The following NDST3 variants were observed in gnomAD, a reference collection of about 807,000 sequenced individuals.
The protein encoded by NDST3 is N-deacetylase and N-sulfotransferase 3.
Under a neutral mutation model 96.1 loss-of-function variants are expected in NDST3, and 58 were observed. The ratio of observed to expected loss-of-function variants is 0.60; its 90% CI spans 0.49 to 0.75. NDST3 has a LOEUF of 0.75. NDST3 is among the 30% of genes least tolerant of loss of function. The probability of loss-of-function intolerance (pLI) is 0.00; values close to 1 mark genes in which losing one functional copy is unlikely to be tolerated. For missense variants in NDST3, 788 were observed against 1,034.2 expected (o/e 0.76, Z 3.27); for synonymous variants, 333 against 359.7 (o/e 0.93, Z 0.84).
At chr4:118,150,316 A>G (rs1435988389) in intron 6 of NDST3, among the ~76,000 whole-genome samples, 2 of 152,202 alleles carry the variant, frequency 1.3e-5, no homozygotes, top group Non-Finnish European at 2.9e-5. Context: ...CATTCAGGAC[A>G]TAAGCACGGG....
At position 118,258,206 on chromosome 4, in the gene NDST3, C is replaced by G. The variant is rs141542552; in HGVS notation, c.*2494C>G. 2 of 152,164 alleles carry G rather than the reference C, an allele frequency of 1.3e-5. No homozygotes were observed. The highest frequency in any genetic ancestry group is 4.8e-5 in the African/African-American group (2 of 41,438). The allele number at this position is 152,164 out of a possible 1,614,324, so 9.4% of individuals were successfully genotyped here. ...GAGATCTTACCAAAATTTATTCATT[C>G]ACAAGTACATGTATTACGCTAGCTA... On this transcript the variant is annotated 3_prime_UTR_variant, in exon 14 of 14. Transcript: ENST00000296499.
intron 3 of NDST3, among the ~76,000 whole-genome samples, chr4:118,108,805 T>C (rs888812986): frequency 6.6e-6 from 1 of 152,150 alleles, no homozygotes; most frequent in Non-Finnish European, 1.5e-5. Flanking sequence ...AACTTTAACA[T>C]AAGAAGCGTG....
chr4:118,205,346 G>C lies in NDST3; in HGVS notation c.1540-19145G>C, dbSNP rs930903254. 4.8e-5 allele frequency among the ~76,000 whole-genome samples: 7 copies of C among 144,558 alleles called. 1 individual carries two copies. The highest frequency in any genetic ancestry group is 2.1e-4 in the Admixed American group (3 of 14,582). 94.8% of individuals were successfully genotyped at this position (144,558 alleles called of 152,430 possible). On this transcript the variant is annotated intron_variant, in intron 6 of 13. Transcript: ENST00000296499. ...ACATTGCCATTGAGTTCATATGCTA[G>C]ATACATTGAGTTTATCTATTTATAT...
intron 6 of NDST3, among the ~76,000 whole-genome samples, chr4:118,160,188 A>AGCCT (rs1442822529): frequency 1.3e-5 from 2 of 152,166 alleles, no homozygotes; most frequent in African/African-American, 4.8e-5. Flanking sequence ...CATAAAAGGG[A>AGCCT]GCCTCCATAA....
At chr4:118,143,968 T>C (rs1048936542) in intron 6 of NDST3, among the ~76,000 whole-genome samples, 45 of 152,068 alleles carry the variant, frequency 3.0e-4, no homozygotes, top group African/African-American at 1.0e-3. Flanking sequence ...ATAAAATTTT[T>C]CACCTGTAAA....
At chr4:118,231,343 AT>A (rs11336961) in intron 8 of NDST3, among the ~76,000 whole-genome samples, 41,030 of 102,360 alleles carry the variant, frequency 0.4, 5,990 homozygotes, top group East Asian at 0.61. Context: ...CTAAAAAAAA[AT>A]AAATAAATAA....
chr4:118,217,670 A>T (rs1334460469), intron 6 of NDST3, among the ~76,000 whole-genome samples: 2 of 152,076 alleles, frequency 1.3e-5, no homozygotes, highest in Non-Finnish European at 2.9e-5. Flanking sequence ...AGTAAATTAC[A>T]GTACACTCTT....
At chr4:118,047,008 C>T (rs80010114) in intron 1 of NDST3, among the ~76,000 whole-genome samples, 1 of 152,294 alleles carries the variant, frequency 6.6e-6, no homozygotes, top group African/African-American at 2.4e-5. Context: ...AGGAGGTCAC[C>T]TCTCTCCCTG....
In NDST3 at chr4:118,155,651, T is replaced by C. The variant is rs559819393; in HGVS notation, c.1539+11967T>C. 2.6e-5 allele frequency among the ~76,000 whole-genome samples: 4 copies of C among 152,216 alleles called. No individual in the cohort carries two copies. In the South Asian group the frequency reaches 8.3e-4, roughly 32 times the overall value. ...TGTTTTGGGGGCCAGAAATATGTCATAGGAAATTAACTCTTGTTTAGATTA... is the reference window on the plus strand; with the variant it reads ...TGTTTTGGGGGCCAGAAATATGTCACAGGAAATTAACTCTTGTTTAGATTA... On this transcript the variant is annotated intron_variant, in intron 6 of 13. Transcript: ENST00000296499.
At chr4:118,232,584 G>A (rs1159640967) in intron 8 of NDST3, among the ~76,000 whole-genome samples, 1 of 151,402 alleles carries the variant, frequency 6.6e-6, no homozygotes, top group Non-Finnish European at 1.5e-5. Context: ...GTTGTAGTGA[G>A]CCATGATTGC....
chr4:118,188,172 C>A (rs1737088302), intron 6 of NDST3, among the ~76,000 whole-genome samples: 1 of 151,628 alleles, frequency 6.6e-6, no homozygotes, highest in South Asian at 2.1e-4. Flanking sequence ...CAGAAATGTA[C>A]CTGAAGTTTA....
intron 2 of NDST3, among the ~76,000 whole-genome samples, chr4:118,088,672 T>A (rs1402880340): frequency 6.6e-6 from 1 of 152,068 alleles, no homozygotes; most frequent in East Asian, 1.9e-4. Flanking sequence ...AAAATGTTTG[T>A]GTTCAAATTA....
chr4:118,152,672 A>C (rs1216665638), intron 6 of NDST3, among the ~76,000 whole-genome samples: 1 of 152,158 alleles, frequency 6.6e-6, no homozygotes. Context: ...TTTTGAACCC[A>C]ACAGATGCTT....
intron 2 of NDST3, among the ~76,000 whole-genome samples, chr4:118,076,266 T>A (rs1396557360): frequency 6.6e-6 from 1 of 152,188 alleles, no homozygotes; most frequent in Non-Finnish European, 1.5e-5. Flanking sequence ...ATATGATGAC[T>A]ATGTGTCTTG....
intron 2 of NDST3, among the ~76,000 whole-genome samples, chr4:118,076,363 C>A (rs141421140): frequency 4.9e-4 from 74 of 152,302 alleles, no homozygotes; most frequent in African/African-American, 1.7e-3. Context: ...TTTGGGGAAA[C>A]TTTTGTGGAT....
intron 4 of NDST3, among the ~76,000 whole-genome samples, chr4:118,123,540 C>A (rs1578680746): frequency 6.6e-6 from 1 of 152,200 alleles, no homozygotes; most frequent in Middle Eastern, 3.4e-3. Context: ...AAAAGTAAGG[C>A]TTCATACATT....
At chr4:118,252,852 T>C (rs780251608) in intron 12 of NDST3, among the ~76,000 whole-genome samples, 1 of 151,956 alleles carries the variant, frequency 6.6e-6, no homozygotes, top group Non-Finnish European at 1.5e-5. Context: ...GATTGCGCCA[T>C]TGCACTCCAG....
intron 2 of NDST3, among the ~76,000 whole-genome samples, chr4:118,065,817 C>T (rs1726269657): frequency 6.6e-6 from 1 of 151,362 alleles, no homozygotes; most frequent in Admixed American, 6.7e-5. Context: ...TTTATCTCCC[C>T]TGCTTTGATA....
intron 6 of NDST3, among the ~76,000 whole-genome samples, chr4:118,222,306 C>A (rs1578835702): frequency 6.6e-6 from 1 of 151,710 alleles, no homozygotes; most frequent in Admixed American, 6.6e-5. Context: ...AATGTGCATA[C>A]CTTCCTAAGA....
Sources: allele counts gnomAD v4.1 joint callset (sites outside exome capture counted in the v4.1 genomes callset), GRCh38; gene constraint gnomAD v4.1.1; transcripts MANE v1.5; gene names NCBI Gene and HGNC (gene_info 2026-07-23, HGNC 2026-07-21).